TSPOAP1: variants seen among roughly 807,000 people sequenced by gnomAD.
TSPOAP1 encodes the protein TSPO associated protein 1.
TSPOAP1 carries 87 observed loss-of-function variants against 197.0 expected under a neutral mutation model. The ratio of observed to expected loss-of-function variants is 0.44; its 90% CI spans 0.37 to 0.53. The LOEUF (loss-of-function observed/expected upper bound fraction) is 0.53. Among genes scored for constraint, TSPOAP1 ranks in the 20% least tolerant of loss-of-function variants. The pLI, the probability that TSPOAP1 is intolerant of heterozygous loss-of-function variation, is 0.00. For missense variants in TSPOAP1, 2,174 were observed against 2,411.3 expected, an observed-to-expected ratio of 0.90 and a Z score of 2.06; for synonymous variants, 913 against 998.9, an observed-to-expected ratio of 0.91 and a Z score of 1.62.
rs764230532 is a variant in TSPOAP1, at chr17:58,324,978, G to T, written c.775C>A (p.Arg259=). The part of the protein sequence containing the change: ...GKEGPQWLHV[R]DFDRLLRESQ... ...TCGCGCAGCAGCCGATCGAAGTCCC[G>T]CACGTGGAGCCACTGGGGACCCTCC... is the stretch of plus-strand genomic sequence containing the variant. The change falls in exon 5 of 32, where the codon CGG becomes AGG. Residue 259 remains arginine (R), a synonymous_variant. Coordinates refer to ENST00000343736, the MANE Select transcript of TSPOAP1 (RefSeq NM_004758.4). The surrounding 1 kb of genome is among the most constrained non-coding windows in gnomAD (Gnocchi z 5.8). The T allele has an allele frequency of 1.2e-5, 19 of 1,537,366 alleles. No individual in the cohort carries two copies. Among genetic ancestry groups the T allele is most frequent in the Non-Finnish European group, 1.5e-5 (17 of 1,142,924 alleles).
Position 58,322,909 on chromosome 17 carries a change from TGG to T in TSPOAP1, c.1194+39_1194+40del, listed in dbSNP as rs769528638. 3 of 1,604,334 alleles carry T rather than the reference TGG, an allele frequency of 1.9e-6. No homozygotes were observed. Among genetic ancestry groups the T allele is most frequent in the Non-Finnish European group, 2.6e-6 (3 of 1,174,910 alleles). ...CCTTGGCTGGGGACCGGGGCAGTGG[TGG>T]GAGCACAGGTCTCCACAGCACCTGG... On this transcript the variant is annotated intron_variant, in intron 8 of 31. Transcript: ENST00000343736. The surrounding 1 kb of genome is among the most constrained non-coding windows in gnomAD (Gnocchi z 5.0).
intron 16 of TSPOAP1, among the ~76,000 whole-genome samples, chr17:58,314,993 T>C (rs992024445): frequency 6.6e-6 from 1 of 152,248 alleles, no homozygotes; most frequent in African/African-American, 2.4e-5. Context: ...TTCTAGTCAT[T>C]TGTGGTTAGT....
In TSPOAP1 at chr17:58,325,009, TTG is replaced by T; in HGVS notation, c.751-9_751-8del. The T allele has an allele frequency of 6.6e-7, 1 of 1,520,742 alleles. No homozygotes were observed. Among genetic ancestry groups the T allele is most frequent in the Non-Finnish European group, 8.8e-7 (1 of 1,132,790 alleles). 94.2% of individuals were successfully genotyped at this position (1,520,742 alleles called of 1,614,324 possible). Reference sequence around the variant, plus strand: ...GGAGCCACTGGGGACCCTCCTGAGGTTGGGGGACAGGGACAGGGAGGGGACTC... The same window carrying T: ...GGAGCCACTGGGGACCCTCCTGAGGTGGGGACAGGGACAGGGAGGGGACTC... On this transcript the variant is annotated splice_polypyrimidine_tract_variant and splice_region_variant and intron_variant, in intron 4 of 31. Coordinates refer to ENST00000343736, the MANE Select transcript of TSPOAP1 (RefSeq NM_004758.4).
chr17:58,323,244 G>T (rs1215988789), intron 7 of TSPOAP1, 54 bp downstream of exon 7: 30 of 1,601,494 alleles, frequency 1.9e-5, no homozygotes, highest in Non-Finnish European at 2.2e-5. Context: ...CCCACCACCT[G>T]GCTGGCCGGG....
Position 58,304,489 on chromosome 17 carries a change from G to C in TSPOAP1, c.5545-90C>G. On this transcript the variant is annotated intron_variant, in intron 30 of 31. Coordinates refer to ENST00000343736, the MANE Select transcript of TSPOAP1 (RefSeq NM_004758.4). The surrounding 1 kb of genome is among the most constrained non-coding windows in gnomAD (Gnocchi z 4.2). ...ACCAGGTGGCCCTGCGCAGGGGTGGGCCCTACTCTCCAAGGCCTTTGTGTT... is the reference window on the plus strand; with the variant it reads ...ACCAGGTGGCCCTGCGCAGGGGTGGCCCCTACTCTCCAAGGCCTTTGTGTT... 2 of 1,056,976 alleles carry C rather than the reference G, an allele frequency of 1.9e-6. 1 individual carries two copies. The highest frequency in any genetic ancestry group is 3.0e-6 in the Non-Finnish European group (2 of 674,810). 65.5% of individuals were successfully genotyped at this position (1,056,976 alleles called of 1,614,324 possible).
intron 4 of TSPOAP1, 38 bp from the exon 5 acceptor site, chr17:58,325,040 C>A (rs1374868047): frequency 1.4e-6 from 2 of 1,474,766 alleles, no homozygotes; most frequent in Non-Finnish European, 9.0e-7. Context: ...GGGACTCAGG[C>A]CTAATCCTTG....
intron 14 of TSPOAP1, among the ~76,000 whole-genome samples, chr17:58,317,152 C>T (rs1371241582): frequency 1.3e-5 from 2 of 152,038 alleles, no homozygotes; most frequent in African/African-American, 2.4e-5. Context: ...GCTGAGATTG[C>T]GCCACTGCAC....
At chr17:58,311,462 C>T in intron 18 of TSPOAP1, 109 bp downstream of exon 18, 2 of 1,459,548 alleles carry the variant, frequency 1.4e-6, no homozygotes, top group Non-Finnish European at 1.8e-6. Context: ...TCATGGTACC[C>T]AAATGCCAGG....
rs375726383 is a variant in TSPOAP1 at position 58,307,781 on chromosome 17, G to A, written c.4832-19C>T. On this transcript the variant is annotated intron_variant, in intron 23 of 31. Transcript: ENST00000343736. ...GCAGGGACTGTGGAGACAGTGGAGA[G>A]GGCGGTGACGCAGCGAGCTCTGGCC... is the stretch of plus-strand genomic sequence containing the variant. 1.2e-6 allele frequency: 2 copies of A among 1,613,868 alleles called. No homozygotes were observed. Among genetic ancestry groups the A allele is most frequent in the African/African-American group, 2.7e-5 (2 of 75,046 alleles).
chr17:58,322,917 C>G lies in TSPOAP1; in HGVS notation c.1194+33G>C. ...GGGGACCGGGGCAGTGGTGGGAGCA[C>G]AGGTCTCCACAGCACCTGGGCGGAA... On this transcript the variant is annotated intron_variant, in intron 8 of 31. Coordinates refer to ENST00000343736, the MANE Select transcript of TSPOAP1 (RefSeq NM_004758.4). This position sits in a 1 kb window ranked among gnomAD's most constrained non-coding sequence, Gnocchi z 5.0. 1 of 1,604,624 alleles carries G rather than the reference C, an allele frequency of 6.2e-7. No individual in the cohort carries two copies. Among genetic ancestry groups the G allele is most frequent in the Non-Finnish European group, 8.5e-7 (1 of 1,175,436 alleles).
In TSPOAP1 at chr17:58,324,155, C is replaced by A. The variant is rs1041490183; in HGVS notation, c.943-610G>T. ...GAGACAAAATCTGAGCAAGAAGCCT[C>A]CCCCCACCCGGAGGTCTTGGTCACT... On this transcript the variant is annotated intron_variant, in intron 5 of 31. Coordinates refer to ENST00000343736, the MANE Select transcript of TSPOAP1 (RefSeq NM_004758.4). This position sits in a 1 kb window ranked among gnomAD's most constrained non-coding sequence, Gnocchi z 5.8. Among the ~76,000 whole-genome samples the A allele has an allele frequency of 1.3e-5, 2 of 152,206 alleles. No homozygotes were observed. The highest frequency in any genetic ancestry group is 4.8e-5 in the African/African-American group (2 of 41,456).
At chr17:58,325,122 C>T (rs1971538370) in intron 4 of TSPOAP1, 120 bp from the exon 5 acceptor site, 2 of 880,382 alleles carry the variant, frequency 2.3e-6, no homozygotes, top group East Asian at 2.7e-5. Flanking sequence ...ACTGTGCACA[C>T]CCTCCCATGG....
intron 16 of TSPOAP1, 113 bp downstream of exon 16, chr17:58,315,910 T>G: frequency 2.5e-6 from 2 of 810,004 alleles, no homozygotes; most frequent in Non-Finnish European, 4.2e-6. Flanking sequence ...GATGGATGGA[T>G]GGATGGATGG....
intron 19 of TSPOAP1, 22 bp downstream of exon 19, chr17:58,310,814 C>A (rs771372941): frequency 2.6e-5 from 41 of 1,574,528 alleles, no homozygotes; most frequent in Non-Finnish European, 3.5e-5. Context: ...TGCACCTGCT[C>A]CCCTCTCCCC....
rs1971108936 is a variant in TSPOAP1, at chr17:58,312,608, G to A, written c.2213C>T (p.Ser738Leu). The A allele has an allele frequency of 1.9e-6, 3 of 1,613,812 alleles. No individual in the cohort carries two copies. Among genetic ancestry groups the A allele is most frequent in the Non-Finnish European group, 2.5e-6 (3 of 1,179,940 alleles). The change falls in exon 17 of 32, where the codon TCA (serine) becomes TTA (leucine). Residue 738 changes from serine (S) to leucine (L), a missense_variant. By Grantham distance (145) the Ser-to-Leu change is moderately radical. Coordinates refer to ENST00000343736, the MANE Select transcript of TSPOAP1 (RefSeq NM_004758.4). Reference protein sequence around the residue: ...PPELADLSHSSGPELSFLSVG... With the variant: ...PPELADLSHSLGPELSFLSVG... ...ACTCAGGAAACTGAGTTCAGGGCCT[G>A]AGCTGTGGGACAAATCGGCCAGCTC...
chr17:58,327,704 C>G lies in TSPOAP1; in HGVS notation c.217G>C (p.Gly73Arg), dbSNP rs143815012. 5 of 1,614,126 alleles carry G rather than the reference C, an allele frequency of 3.1e-6. No homozygotes were observed. The East Asian group carries it at 6.7e-5, about 22-fold the overall frequency. ...PKGDGSSRPV[G>R]GTDPEGAEAC... ...TCTGCTCCTTCAGGGTCAGTTCCCC[C>G]CACGGGCCTGGAGCTCCCGTCTCCT... is the stretch of plus-strand genomic sequence containing the variant. Residue 73 changes from glycine (G) to arginine (R), a missense_variant, in exon 1 of 32, where the codon GGG (glycine) becomes CGG (arginine). Physicochemically the swap from Gly to Arg is moderately radical, Grantham distance 125. Around this residue, in one of 5 missense-constraint regions of TSPOAP1, gnomAD observed 1,933 missense variants for 2,139.0 expected, o/e 0.90. Transcript: ENST00000343736.
rs1199019447 is a variant in TSPOAP1 at position 58,305,446 on chromosome 17, A to C, written c.5374T>G (p.Phe1792Val). 1 of 1,613,752 alleles carries C rather than the reference A, an allele frequency of 6.2e-7. No homozygotes were observed. Among genetic ancestry groups the C allele is most frequent in the Non-Finnish European group, 8.5e-7 (1 of 1,179,882 alleles). Residue 1792 changes from phenylalanine (F) to valine (V), a missense_variant, in exon 29 of 32, where the codon TTC (phenylalanine) becomes GTC (valine). By Grantham distance (50) the Phe-to-Val change is conservative. This residue lies in a region of TSPOAP1 where 161 missense variants were observed against 159.1 expected (regional missense o/e 1.01). Coordinates refer to ENST00000343736, the MANE Select transcript of TSPOAP1 (RefSeq NM_004758.4). ...PNMDVEAELP[F>V]RAGDVITVFG... The stretch of plus-strand genomic sequence containing the variant: ...ACAGTAATGACATCCCCTGCCCGGA[A>C]GGGCAGCTCTGCCTGTGGAAAACAA...
At position 58,305,154 on chromosome 17, in the gene TSPOAP1, T is replaced by C. The variant is rs1970840488; in HGVS notation, c.5451A>G (p.Gln1817=). The change falls in exon 30 of 32, where the codon CAA becomes CAG. Residue 1817 remains glutamine, a synonymous_variant. Transcript: ENST00000343736. ...GGAAGTTGGATGGAACCAGGCCCCTTTGTCCATTTAATTCCCCCTGGAGAG... is the reference window on the plus strand; with the variant it reads ...GGAAGTTGGATGGAACCAGGCCCCTCTGTCCATTTAATTCCCCCTGGAGAG... ...DGFYYGELNG[Q]RGLVPSNFLE... The C allele has an allele frequency of 6.2e-7, 1 of 1,613,416 alleles. No individual in the cohort carries two copies. The highest frequency in any genetic ancestry group is 1.7e-5 in the Admixed American group (1 of 59,980).
rs1197468254 is a variant in TSPOAP1, at chr17:58,324,782, C to A, written c.942+29G>T. 1.1e-5 allele frequency: 16 copies of A among 1,437,362 alleles called. No individual in the cohort carries two copies. The highest frequency in any genetic ancestry group is 1.5e-5 in the Non-Finnish European group (16 of 1,098,310). 89.0% of individuals were successfully genotyped at this position (1,437,362 alleles called of 1,614,324 possible). On this transcript the variant is annotated intron_variant, in intron 5 of 31. Coordinates refer to ENST00000343736, the MANE Select transcript of TSPOAP1 (RefSeq NM_004758.4). This position sits in a 1 kb window ranked among gnomAD's most constrained non-coding sequence, Gnocchi z 5.8. ...TTCCCCCCACCCATCTGCACGCACC[C>A]ACACACCTGCCCTTGCGCCGGCGCT...
Sources: gnomAD v4.1 joint callset for allele counts (sites outside exome capture counted in the v4.1 genomes callset) on GRCh38, gnomAD v4.1.1 for gene constraint, gnomAD v4.1.1 regional missense constraint, Gnocchi (gnomAD v3.1) non-coding constraint, MANE v1.5 for transcripts, NCBI Gene and HGNC (gene_info 2026-07-23, HGNC 2026-07-21) for gene names.